Variants in GEMIN8 observed in about 807,000 individuals in gnomAD.
GEMIN8 encodes the protein gem nuclear organelle associated protein 8, also known as gem-associated protein 8.
For missense variants in GEMIN8, 185 were observed against 205.9 expected (o/e 0.90, Z 0.62); for synonymous variants, 80 against 78.5 (o/e 1.02, Z -0.10).
At chrX:13,999,079 G>GT in the GEMIN8 span, among the ~76,000 whole-genome samples, 1 of 109,213 alleles carries the variant, frequency 9.2e-6, no homozygotes, top group Non-Finnish European at 1.9e-5. Context: ...TTAAATTTTT[G>GT]TTTTTTTTTA....
intron 2 of GEMIN8, 55 bp downstream of exon 2, chrX:14,026,085 G>C (rs889442315): frequency 4.0e-6 from 3 of 746,524 alleles, no homozygotes; most frequent in African/African-American, 4.6e-5. Flanking sequence ...GGTTGCTGCA[G>C]ATTTAGATGC....
the GEMIN8 span, among the ~76,000 whole-genome samples, chrX:13,996,421 C>A: frequency 9.0e-6 from 1 of 111,706 alleles, no homozygotes; most frequent in Non-Finnish European, 1.9e-5. Context: ...GCTGGAGAGG[C>A]CTTGCAATCA....
In GEMIN8 at chrX:14,012,403, C is replaced by T. The variant is rs150476146; in HGVS notation, c.473-3234G>A. 7.3e-3 allele frequency among the ~76,000 whole-genome samples: 808 copies of T among 110,745 alleles called. 10 individuals carry two copies. The East Asian group carries it at 0.096, about 13-fold the overall frequency. ...CCTACCAAAGTGCTGGAATTACAGG[C>T]GTAAAGCCACCGTGCCTGGCCCCTC... On this transcript the variant is annotated intron_variant, in intron 4 of 4. Coordinates refer to ENST00000680255, the MANE Select transcript of GEMIN8 (RefSeq NM_001042479.2).
chrX:14,024,633 C>T (rs1270213030), intron 2 of GEMIN8, among the ~76,000 whole-genome samples: 1 of 111,832 alleles, frequency 8.9e-6, no homozygotes, highest in Non-Finnish European at 1.9e-5. Flanking sequence ...CCAGGTACAT[C>T]CTGAGCACTT....
At chrX:13,984,406 T>C in the GEMIN8 span, among the ~76,000 whole-genome samples, 107 of 112,502 alleles carry the variant, frequency 9.5e-4, no homozygotes, top group Non-Finnish European at 1.6e-3. Flanking sequence ...GTCAGCACAC[T>C]ATGGCCTGGC....
At chrX:14,018,278 T>G (rs186651263) in intron 4 of GEMIN8, among the ~76,000 whole-genome samples, 2 of 112,721 alleles carry the variant, frequency 1.8e-5, no homozygotes, top group Admixed American at 1.9e-4. Context: ...ACCGTTCACA[T>G]TTTTTCTTTG....
At chrX:14,011,737 A>G (rs921822881) in intron 4 of GEMIN8, among the ~76,000 whole-genome samples, 2 of 110,424 alleles carry the variant, frequency 1.8e-5, no homozygotes, top group African/African-American at 6.6e-5. Flanking sequence ...CATAAATCCG[A>G]GTCTTTGAGT....
intron 4 of GEMIN8, among the ~76,000 whole-genome samples, chrX:14,019,683 G>A (rs1372867632): frequency 9.0e-6 from 1 of 111,726 alleles, no homozygotes; most frequent in East Asian, 2.8e-4. Flanking sequence ...TGTGTACCAC[G>A]GAACAAGTCA....
At chrX:14,023,382 C>CG (rs1924488921) in intron 2 of GEMIN8, among the ~76,000 whole-genome samples, 1 of 100,213 alleles carries the variant, frequency 1.0e-5, no homozygotes, top group Non-Finnish European at 2.0e-5. Flanking sequence ...TTTTATATTC[C>CG]TTTTTTTTTT....
chrX:13,987,362 G>T, the GEMIN8 span, among the ~76,000 whole-genome samples: 4 of 112,370 alleles, frequency 3.6e-5, no homozygotes, highest in African/African-American at 1.3e-4. Flanking sequence ...CTAGAATCAT[G>T]ACTCTTCCCT....
At chrX:13,985,162 T>C in the GEMIN8 span, among the ~76,000 whole-genome samples, 1 of 111,600 alleles carries the variant, frequency 9.0e-6, no homozygotes, top group Non-Finnish European at 1.9e-5. Flanking sequence ...ATGAACATGC[T>C]TGGCTCAGGA....
At chrX:13,993,618 C>A in the GEMIN8 span, among the ~76,000 whole-genome samples, 1 of 108,486 alleles carries the variant, frequency 9.2e-6, no homozygotes, top group Non-Finnish European at 1.9e-5. Context: ...GAGATGAGGT[C>A]TCATCATGTT....
chrX:14,021,493 G>T lies in GEMIN8; in HGVS notation c.-15C>A. 1 of 1,164,453 alleles carries T rather than the reference G, an allele frequency of 8.6e-7. No homozygotes were observed. The highest frequency in any genetic ancestry group is 1.2e-6 in the Non-Finnish European group (1 of 854,646). On this transcript the variant is annotated 5_prime_UTR_variant, in exon 3 of 5. Transcript: ENST00000680255. ...ACCGCTGCCATCTCTGATTGTGAAAGTCCAAATGGGTGCTGAAACTAGGAA... is the reference window on the plus strand; with the variant it reads ...ACCGCTGCCATCTCTGATTGTGAAATTCCAAATGGGTGCTGAAACTAGGAA...
In GEMIN8 at chrX:14,008,999, T is replaced by G. The variant is rs376003806; in HGVS notation, c.643A>C (p.Met215Leu). The change falls in exon 5 of 5, where the codon ATG becomes CTG. Residue 215 changes from methionine (M) to leucine (L), a missense_variant. Transcript: ENST00000680255. ...AAGCTCAGCTGCACCGCGGCCTCCA[T>G]GGCTTGGATCTTGGCAGCACTGTCC... ...YGDSAAKIQA[M>L]EAAVQLSFDK... The G allele has an allele frequency of 1.7e-6, 2 of 1,209,980 alleles. No individual in the cohort carries two copies. Among genetic ancestry groups the G allele is most frequent in the Non-Finnish European group, 2.2e-6 (2 of 894,741 alleles).
chrX:14,013,287 G>A (rs1471393330), intron 4 of GEMIN8, among the ~76,000 whole-genome samples: 1 of 112,477 alleles, frequency 8.9e-6, no homozygotes, highest in Non-Finnish European at 1.9e-5. Flanking sequence ...CCAATGAACA[G>A]TTGCCTTGTC....
rs1238916972 is a variant in GEMIN8 at position 14,021,473 on chromosome X, T to C, written c.6A>G (p.Ala2=). The change falls in exon 3 of 5, where the codon GCA becomes GCG. Residue 2 remains alanine (A), a synonymous_variant. Transcript: ENST00000680255. M[A]AVKASTSKAT... is the part of the protein sequence containing the mutation. ...AAAATAAAAATCTTACCTTTACCGCTGCCATCTCTGATTGTGAAAGTCCAA... is the reference window on the plus strand; with the variant it reads ...AAAATAAAAATCTTACCTTTACCGCCGCCATCTCTGATTGTGAAAGTCCAA... 3 of 1,126,984 alleles carry C rather than the reference T, an allele frequency of 2.7e-6. No homozygotes were observed. Among genetic ancestry groups the C allele is most frequent in the Non-Finnish European group, 1.2e-6 (1 of 820,234 alleles). The allele number at this position is 1,126,984 out of a possible 1,213,427, so 92.9% of individuals were successfully genotyped here.
chrX:13,995,301 T>C, the GEMIN8 span, among the ~76,000 whole-genome samples: 1 of 111,926 alleles, frequency 8.9e-6, no homozygotes, highest in Admixed American at 9.5e-5. Flanking sequence ...TTTGGACAAG[T>C]TACTTAATCT....
At chrX:14,018,174 G>A (rs748517175) in intron 4 of GEMIN8, among the ~76,000 whole-genome samples, 1 of 112,248 alleles carries the variant, frequency 8.9e-6, no homozygotes, top group East Asian at 2.8e-4. Context: ...GACTTAGCAG[G>A]TAATTTTCAT....
intron 4 of GEMIN8, among the ~76,000 whole-genome samples, chrX:14,010,707 CA>C (rs758474751): frequency 2.4e-4 from 27 of 112,063 alleles, no homozygotes; most frequent in African/African-American, 8.4e-4. Flanking sequence ...GGAACATCCA[CA>C]GTTTATTTTT....
Sources: gnomAD v4.1 joint callset for allele counts (sites outside exome capture counted in the v4.1 genomes callset) on GRCh38, gnomAD v4.1.1 for gene constraint, MANE v1.5 for transcripts, NCBI Gene and HGNC (gene_info 2026-07-23, HGNC 2026-07-21) for gene names.